SERPINB7: variants seen among roughly 807,000 people sequenced by gnomAD.
SERPINB7 encodes serpin family B member 7.
In SERPINB7, 31 loss-of-function variants were observed where a neutral mutation model predicts 37.4. The observed-to-expected ratio is 0.83, with a 90% CI of 0.62 to 1.12. The LOEUF (loss-of-function observed/expected upper bound fraction) is 1.12. Among genes scored for constraint, SERPINB7 ranks in the 50% most tolerant of loss-of-function variants. The probability of loss-of-function intolerance (pLI) is 0.00; values close to 1 mark genes in which losing one functional copy is unlikely to be tolerated. For missense variants in SERPINB7, 521 were observed against 455.3 expected (o/e 1.14, Z -1.31); for synonymous variants, 163 against 166.1 (o/e 0.98, Z 0.14).
In SERPINB7 at chr18:63,780,539, G is replaced by A. The variant is rs374518702; in HGVS notation, c.-18-1816G>A. ...CTAGTCCTAACTTTCATTGTTTCTCGTCTCCTTTGTTGCAAAGAGTTTCTC... is the reference window on the plus strand; with the variant it reads ...CTAGTCCTAACTTTCATTGTTTCTCATCTCCTTTGTTGCAAAGAGTTTCTC... On this transcript the variant is annotated intron_variant, in intron 1 of 7. Coordinates refer to ENST00000398019, the MANE Select transcript of SERPINB7 (RefSeq NM_003784.4). 7.2e-5 allele frequency among the ~76,000 whole-genome samples: 11 copies of A among 152,070 alleles called. 1 individual carries two copies. The highest frequency in any genetic ancestry group is 3.9e-4 in the East Asian group (2 of 5,180).
At chr18:63,802,491 C>A (rs926638034) in intron 7 of SERPINB7, among the ~76,000 whole-genome samples, 1 of 152,058 alleles carries the variant, frequency 6.6e-6, no homozygotes. Context: ...TTTATATTAC[C>A]TTGTTTGATG....
chr18:63,757,284 A>G (rs570010978), intron 1 of SERPINB7, among the ~76,000 whole-genome samples: 1 of 152,306 alleles, frequency 6.6e-6, no homozygotes, highest in Admixed American at 6.5e-5. Context: ...ATCCATTATA[A>G]CATGTATAGC....
upstream of SERPINB7, among the ~76,000 whole-genome samples, chr18:63,774,496 C>T (rs757381510): frequency 6.6e-6 from 1 of 152,192 alleles, no homozygotes; most frequent in African/African-American, 2.4e-5. Context: ...CATGATGCTA[C>T]GGCCAGAAAC....
chr18:63,804,706 T>C lies in SERPINB7; in HGVS notation c.*71T>C. On this transcript the variant is annotated 3_prime_UTR_variant, in exon 8 of 8. Coordinates refer to ENST00000398019, the MANE Select transcript of SERPINB7 (RefSeq NM_003784.4). Reference sequence around the variant, plus strand: ...ACCACCACAAGTCAATAGATTTGAGTTTAATTGGAAAAATGTGGTGTTTCC... The same window carrying C: ...ACCACCACAAGTCAATAGATTTGAGCTTAATTGGAAAAATGTGGTGTTTCC... 1 of 1,436,810 alleles carries C rather than the reference T, an allele frequency of 7.0e-7. No homozygotes were observed. The highest frequency in any genetic ancestry group is 9.4e-7 in the Non-Finnish European group (1 of 1,067,142). The allele number at this position is 1,436,810 out of a possible 1,614,324, so 89.0% of individuals were successfully genotyped here.
At position 63,758,029 on chromosome 18, in the gene SERPINB7, AT is replaced by A. The variant is rs1379028472; in HGVS notation, c.-19+4911del. 2.6e-5 allele frequency among the ~76,000 whole-genome samples: 4 copies of A among 152,168 alleles called. No individual in the cohort carries two copies. The East Asian group carries it at 7.7e-4, about 29-fold the overall frequency. The stretch of plus-strand genomic sequence containing the variant: ...CTTTGTGTTACTATCACATTGCCAC[AT>A]TCTCATGGTGCGTAGCTTCTCTGTA... On this transcript the variant is annotated intron_variant, in intron 1 of 7. Transcript: ENST00000336429.
chr18:63,761,278 T>A (rs917226075), intron 1 of SERPINB7, among the ~76,000 whole-genome samples: 1 of 152,198 alleles, frequency 6.6e-6, no homozygotes, highest in African/African-American at 2.4e-5. Context: ...GGCCCTGTAA[T>A]CCCTTTGTTT....
At position 63,782,420 on chromosome 18, in the gene SERPINB7, CAG is replaced by C. The variant is rs1049876333; in HGVS notation, c.54_55del (p.Glu18AspfsTer3). 1.2e-6 allele frequency: 2 copies of C among 1,614,158 alleles called. No homozygotes were observed. Among genetic ancestry groups the C allele is most frequent in the South Asian group, 2.2e-5 (2 of 91,072 alleles). On this transcript the variant is annotated frameshift_variant, in exon 2 of 8. Coordinates refer to ENST00000398019, the MANE Select transcript of SERPINB7 (RefSeq NM_003784.4). LOFTEE classifies it high-confidence loss of function. ...ATGCAGAGTTTTGCTTCAACCTGTT[CAG>C]AGAGATGGATGACAATCAAGGAAAT... ...ANAEFCFNLFREMDDNQGNGN... is the reference protein window; with the variant it reads ...ANAEFCFNLFXEMDDNQGNGN...
At chr18:63,770,445 A>C (rs556858559), upstream of SERPINB7, among the ~76,000 whole-genome samples, 10 of 152,060 alleles carry the variant, frequency 6.6e-5, no homozygotes, top group African/African-American at 1.9e-4. Flanking sequence ...AGTTGTAATT[A>C]GCAGGAAAGA....
At position 63,775,423 on chromosome 18, in the gene SERPINB7, T is replaced by C. The variant is rs551338058; in HGVS notation, c.-312T>C. On this transcript the variant is annotated 5_prime_UTR_variant, in exon 1 of 8. Coordinates refer to ENST00000398019, the MANE Select transcript of SERPINB7 (RefSeq NM_003784.4). ...CCCAGAAGCCAGGTCTACTCATCAATAAGCAGCTGCCTGTGCAGAGTGCAG... is the reference window on the plus strand; with the variant it reads ...CCCAGAAGCCAGGTCTACTCATCAACAAGCAGCTGCCTGTGCAGAGTGCAG... 2 of 152,226 alleles carry C rather than the reference T, an allele frequency of 1.3e-5. No individual in the cohort carries two copies. The highest frequency in any genetic ancestry group is 2.9e-5 in the Non-Finnish European group (2 of 68,044). The allele number at this position is 152,226 out of a possible 1,614,324, so 9.4% of individuals were successfully genotyped here. A position where few individuals can be genotyped will look rare whatever the true frequency, so the allele number is the denominator to read the frequency against.
chr18:63,785,874 G>T lies in SERPINB7; in HGVS notation c.168+3334G>T, dbSNP rs550182653. Among the ~76,000 whole-genome samples, 33 of 129,490 alleles carry T rather than the reference G, an allele frequency of 2.5e-4. 9 individuals carry two copies. In the East Asian group the frequency reaches 6.1e-3, roughly 24 times the overall value. 85.0% of individuals were successfully genotyped at this position (129,490 alleles called of 152,430 possible). ...TCTTCTCTCACAAGACATTTCCATT[G>T]AAATGCTTTATATATATATATAATA... On this transcript the variant is annotated intron_variant, in intron 2 of 7. Coordinates refer to ENST00000398019, the MANE Select transcript of SERPINB7 (RefSeq NM_003784.4).
In SERPINB7 at chr18:63,793,154, A is replaced by G; in HGVS notation, c.220-7A>G. 1.4e-6 allele frequency: 2 copies of G among 1,457,296 alleles called. No individual in the cohort carries two copies. The highest frequency in any genetic ancestry group is 1.9e-6 in the Non-Finnish European group (2 of 1,067,158). 90.3% of individuals were successfully genotyped at this position (1,457,296 alleles called of 1,614,324 possible). On this transcript the variant is annotated splice_polypyrimidine_tract_variant and splice_region_variant and intron_variant, in intron 3 of 7. Coordinates refer to ENST00000398019, the MANE Select transcript of SERPINB7 (RefSeq NM_003784.4). ...AAATAAATTTTTATACATCTTTTTAATAACAGTCAGGGCTCCAGTCTCAAC... is the reference window on the plus strand; with the variant it reads ...AAATAAATTTTTATACATCTTTTTAGTAACAGTCAGGGCTCCAGTCTCAAC...
rs934036133 is a variant in SERPINB7 at position 63,778,324 on chromosome 18, C to T, written c.-19+2608C>T. Reference sequence around the variant, plus strand: ...GAAATACAAAGATTTTAAAATATTTCTTCCAAGAGTATCTGTATAGCATCG... The same window carrying T: ...GAAATACAAAGATTTTAAAATATTTTTTCCAAGAGTATCTGTATAGCATCG... On this transcript the variant is annotated intron_variant, in intron 1 of 7. Coordinates refer to ENST00000398019, the MANE Select transcript of SERPINB7 (RefSeq NM_003784.4). Among the ~76,000 whole-genome samples the T allele has an allele frequency of 3.3e-5, 5 of 152,154 alleles. No individual in the cohort carries two copies. The South Asian group carries it at 8.3e-4, about 25-fold the overall frequency.
At position 63,757,924 on chromosome 18, in the gene SERPINB7, G is replaced by C. The variant is rs779711054; in HGVS notation, c.-19+4804G>C. ...TTGATTGCCTATGAATCCCTAATCT[G>C]CTCCCTCAAGTACAAGTAGCTTCAT... On this transcript the variant is annotated intron_variant, in intron 1 of 7. Coordinates refer to the SERPINB7 transcript ENST00000336429. 2.6e-5 allele frequency among the ~76,000 whole-genome samples: 4 copies of C among 152,278 alleles called. No homozygotes were observed. In the East Asian group the frequency reaches 7.7e-4, roughly 29 times the overall value.
chr18:63,774,839 C>T (rs1014808994), upstream of SERPINB7, among the ~76,000 whole-genome samples: 1 of 151,872 alleles, frequency 6.6e-6, no homozygotes, highest in African/African-American at 2.4e-5. Context: ...TGGAAAATTC[C>T]AAGCCAGAGA....
intron 6 of SERPINB7, 140 bp downstream of exon 6, chr18:63,798,886 A>G: frequency 1.2e-6 from 1 of 861,974 alleles, no homozygotes; most frequent in South Asian, 1.8e-5. Context: ...TCATATGGTC[A>G]GTTGCTTTAT....
chr18:63,791,760 A>G lies in SERPINB7; in HGVS notation c.169-633A>G, dbSNP rs142104890. 1.7e-3 allele frequency among the ~76,000 whole-genome samples: 249 copies of G among 149,244 alleles called. 2 individuals carry two copies. Among genetic ancestry groups the G allele is most frequent in the East Asian group, 0.015 (75 of 5,108 alleles). ...CGAGTAGCTGGGACTATAGGCGCCC[A>G]CCACCACAACCAGCTAATTTTTTGT... On this transcript the variant is annotated intron_variant, in intron 2 of 7. Coordinates refer to ENST00000398019, the MANE Select transcript of SERPINB7 (RefSeq NM_003784.4).
upstream of SERPINB7, among the ~76,000 whole-genome samples, chr18:63,772,522 T>C (rs1480661612): frequency 6.6e-6 from 1 of 152,096 alleles, no homozygotes; most frequent in East Asian, 1.9e-4. Context: ...TACTTTTTCA[T>C]GACAAATAAT....
chr18:63,791,360 C>CT (rs2049425213), intron 2 of SERPINB7, among the ~76,000 whole-genome samples: 4 of 151,988 alleles, frequency 2.6e-5, no homozygotes, highest in Admixed American at 6.6e-5. Flanking sequence ...TAAAACAGTG[C>CT]TTTTTTGCAT....
chr18:63,759,990 G>T (rs1201834886), intron 1 of SERPINB7, among the ~76,000 whole-genome samples: 1 of 152,162 alleles, frequency 6.6e-6, no homozygotes, highest in Non-Finnish European at 1.5e-5. Context: ...CAGGAGTGGG[G>T]TGTTGCTGAA....
Sources: allele counts gnomAD v4.1 joint callset (sites outside exome capture counted in the v4.1 genomes callset), GRCh38; gene constraint gnomAD v4.1.1; transcripts MANE v1.5; gene names NCBI Gene and HGNC (gene_info 2026-07-23, HGNC 2026-07-21).